FRAS1: variants seen among roughly 807,000 people sequenced by gnomAD.
FRAS1 encodes the protein extracellular matrix organizing protein FRAS1.
Under a neutral mutation model 435.2 loss-of-function variants are expected in FRAS1, and 290 were observed. The observed-to-expected ratio is 0.67, with a 90% confidence interval of 0.61 to 0.73. The LOEUF is 0.73. Ranked by LOEUF, FRAS1 falls within the 30% of genes least tolerant of loss-of-function variation. The pLI, the probability that FRAS1 is intolerant of heterozygous loss-of-function variation, is 0.00. For missense variants in FRAS1, 4,860 were observed against 5,001.5 expected, an observed-to-expected ratio of 0.97 and a Z score of 0.85; for synonymous variants, 1,800 against 1,851.0, an observed-to-expected ratio of 0.97 and a Z score of 0.71.
intron 12 of FRAS1, 28 bp from the exon 13 acceptor site, chr4:78,284,377 T>C (rs754956230): frequency 6.2e-7 from 1 of 1,612,270 alleles, no homozygotes; most frequent in East Asian, 2.2e-5. Context: ...GTTCACAGAG[T>C]TCTCCCCTTC....
At chr4:78,201,886 C>T (rs1208832211) in intron 2 of FRAS1, among the ~76,000 whole-genome samples, 14 of 152,130 alleles carry the variant, frequency 9.2e-5, no homozygotes, top group Admixed American at 9.2e-4. Flanking sequence ...ATTTATAGGT[C>T]ATGTTAGGGG....
rs879730867 is a variant in FRAS1 at position 78,173,732 on chromosome 4, G to A, written c.109-63778G>A. On this transcript the variant is annotated intron_variant, in intron 2 of 73. Coordinates refer to ENST00000512123, the MANE Select transcript of FRAS1 (RefSeq NM_025074.7). The stretch of plus-strand genomic sequence containing the variant: ...GGTTGTGTTTACTGATTAGTGTTAA[G>A]CACTAACAAATCTTAACAGGCGGCA... Among the ~76,000 whole-genome samples the A allele has an allele frequency of 8.7e-4, 132 of 152,270 alleles. 6 individuals are homozygous for A. Among genetic ancestry groups the A allele is most frequent in the South Asian group, 1.7e-3 (8 of 4,826 alleles).
At chr4:78,133,963 T>G (rs1026411004) in intron 2 of FRAS1, among the ~76,000 whole-genome samples, 17 of 105,466 alleles carry the variant, frequency 1.6e-4, no homozygotes, top group Middle Eastern at 4.6e-3. Flanking sequence ...GTTTTTTTTT[T>G]TTGTTTTTTT....
At chr4:78,379,525 C>G (rs753172951) in intron 26 of FRAS1, 1 of 563,840 alleles carries the variant, frequency 1.8e-6, no homozygotes, top group Non-Finnish European at 3.0e-6. Context: ...AGCGAGCTGA[C>G]GGTTGTGGTC....
At chr4:78,153,221 C>T (rs1720750264) in intron 2 of FRAS1, among the ~76,000 whole-genome samples, 1 of 152,100 alleles carries the variant, frequency 6.6e-6, no homozygotes, top group Non-Finnish European at 1.5e-5. Context: ...TCACCCTCTG[C>T]CTACTTTGTG....
At chr4:78,187,194 T>A (rs1722311850) in intron 2 of FRAS1, among the ~76,000 whole-genome samples, 1 of 152,176 alleles carries the variant, frequency 6.6e-6, no homozygotes, top group South Asian at 2.1e-4. Context: ...TGTGTTACTT[T>A]GTTGGAGAAA....
intron 2 of FRAS1, among the ~76,000 whole-genome samples, chr4:78,120,364 A>C (rs1027135913): frequency 6.6e-6 from 1 of 152,192 alleles, no homozygotes; most frequent in Non-Finnish European, 1.5e-5. Context: ...TCTGAGGTTT[A>C]ACTTAGAGTT....
chr4:78,372,881 C>G (rs559890762), intron 24 of FRAS1, 23 bp downstream of exon 24: 3 of 1,606,496 alleles, frequency 1.9e-6, no homozygotes, highest in African/African-American at 2.7e-5. Context: ...AGGCCCTGCT[C>G]TGTGCTCAGC....
chr4:78,081,899 G>C (rs190127441), intron 2 of FRAS1, among the ~76,000 whole-genome samples: 5 of 152,056 alleles, frequency 3.3e-5, no homozygotes, highest in African/African-American at 7.2e-5. Flanking sequence ...CTTTAGAAAA[G>C]GAGGGCTGCT....
chr4:78,126,047 C>A (rs910963460), intron 2 of FRAS1, among the ~76,000 whole-genome samples: 5 of 152,188 alleles, frequency 3.3e-5, no homozygotes, highest in African/African-American at 7.2e-5. Flanking sequence ...CCAGTTCGAG[C>A]TTCCCTGCTG....
intron 2 of FRAS1, among the ~76,000 whole-genome samples, chr4:78,159,555 T>C (rs1013228501): frequency 2.0e-5 from 3 of 152,156 alleles, no homozygotes; most frequent in African/African-American, 7.2e-5. Flanking sequence ...CAGTAATGAT[T>C]CCAAAAGCTT....
chr4:78,304,520 T>C (rs1728600945), intron 14 of FRAS1, among the ~76,000 whole-genome samples: 1 of 152,184 alleles, frequency 6.6e-6, no homozygotes. Context: ...TGGTAAGCTA[T>C]TGATTATTGC....
chr4:78,323,295 T>C (rs1729581234), intron 18 of FRAS1, among the ~76,000 whole-genome samples: 1 of 152,230 alleles, frequency 6.6e-6, no homozygotes, highest in African/African-American at 2.4e-5. Flanking sequence ...TTATTAAATA[T>C]TACTACTGAG....
intron 2 of FRAS1, among the ~76,000 whole-genome samples, chr4:78,101,000 C>A (rs886416854): frequency 6.6e-6 from 1 of 152,098 alleles, no homozygotes; most frequent in Non-Finnish European, 1.5e-5. Flanking sequence ...AATGGTAAAT[C>A]TTTGTTTTGT....
intron 2 of FRAS1, among the ~76,000 whole-genome samples, chr4:78,118,603 T>C (rs1718810161): frequency 6.6e-6 from 1 of 152,174 alleles, no homozygotes; most frequent in African/African-American, 2.4e-5. Flanking sequence ...TCCGTGGGCA[T>C]AGGACCCTCA....
chr4:78,372,558 GCTA>G (rs1376441154), intron 23 of FRAS1, among the ~76,000 whole-genome samples, 157 bp from the exon 24 acceptor site: 1 of 152,156 alleles, frequency 6.6e-6, no homozygotes. Context: ...AAGCATTCAG[GCTA>G]CTACAAGTGG....
intron 64 of FRAS1, among the ~76,000 whole-genome samples, chr4:78,511,943 T>C (rs1350116193): frequency 6.6e-6 from 1 of 152,210 alleles, no homozygotes; most frequent in South Asian, 2.1e-4. Context: ...CTGGCACCTG[T>C]ATATGCTTCT....
chr4:78,306,182 A>C (rs986656626), intron 14 of FRAS1, among the ~76,000 whole-genome samples: 1 of 151,898 alleles, frequency 6.6e-6, no homozygotes, highest in African/African-American at 2.4e-5. Flanking sequence ...AGAATGTTGA[A>C]TATTGGCCCC....
At chr4:78,425,760 GTACTA>G (rs1733974091) in intron 35 of FRAS1, among the ~76,000 whole-genome samples, 3 of 152,054 alleles carry the variant, frequency 2.0e-5, no homozygotes. Flanking sequence ...AATAAAAATT[GTACTA>G]TTTAATTCTT....
Sources: allele counts gnomAD v4.1 joint callset (sites outside exome capture counted in the v4.1 genomes callset), GRCh38; gene constraint gnomAD v4.1.1; transcripts MANE v1.5; gene names NCBI Gene and HGNC (gene_info 2026-07-23, HGNC 2026-07-21).